ANK3: variants seen among roughly 807,000 people sequenced by gnomAD.
ANK3 encodes ankyrin 3, also known as ankyrin-3.
A neutral mutation model predicts 370.9 loss-of-function variants in ANK3; 57 were observed. The observed-to-expected ratio is 0.15, with a 90% CI of 0.12 to 0.19. The LOEUF (loss-of-function observed/expected upper bound fraction) is 0.19, where lower values mean the gene tolerates loss of function less well. Among genes scored for constraint, ANK3 ranks in the 10% least tolerant of loss-of-function variants. The pLI, the probability that ANK3 is intolerant of heterozygous loss-of-function variation, is 1.00. For synonymous variants in ANK3, 1,929 were observed against 1,946.3 expected, an observed-to-expected ratio of 0.99 and a Z score of 0.23; for missense variants, 4,439 against 5,302.1, an observed-to-expected ratio of 0.84 and a Z score of 5.06.
At chr10:60,716,188 TA>T (rs11451064) in intron 1 of ANK3, among the ~76,000 whole-genome samples, 5 of 151,438 alleles carry the variant, frequency 3.3e-5, no homozygotes, top group African/African-American at 1.2e-4. Context: ...CCAAGAAAGT[TA>T]AAAAAAATGT....
intron 2 of ANK3, among the ~76,000 whole-genome samples, chr10:60,432,443 C>T (rs113248029): frequency 0.011 from 1,601 of 152,264 alleles, 31 homozygotes; most frequent in African/African-American, 0.037. Flanking sequence ...ACTCTTACTT[C>T]CTAGTTCCTC....
At chr10:60,340,539 G>A (rs553231666) in intron 1 of ANK3, among the ~76,000 whole-genome samples, 4 of 152,182 alleles carry the variant, frequency 2.6e-5, no homozygotes, top group Admixed American at 1.3e-4. Context: ...AGCCTCCTGA[G>A]TAGCTGGGAT....
intron 2 of ANK3, among the ~76,000 whole-genome samples, chr10:60,446,189 G>A (rs530759004): frequency 2.9e-4 from 44 of 152,084 alleles, no homozygotes; most frequent in Non-Finnish European, 4.7e-4. Flanking sequence ...CCACGAAGAG[G>A]TATATTTTAA....
At chr10:60,685,309 T>C (rs1296533646) in intron 1 of ANK3, 2 of 203,032 alleles carry the variant, frequency 9.9e-6, no homozygotes, top group Non-Finnish European at 2.2e-5. Context: ...TACTACCATT[T>C]GGGGAAGCCA....
At chr10:60,576,357 G>A (rs966851165) in intron 2 of ANK3, among the ~76,000 whole-genome samples, 4 of 152,158 alleles carry the variant, frequency 2.6e-5, no homozygotes, top group Non-Finnish European at 4.4e-5. Flanking sequence ...CTGAAGTCTC[G>A]TAGAACAGAT....
chr10:60,234,123 TA>T (rs1261517970), intron 8 of ANK3, among the ~76,000 whole-genome samples: 1 of 152,236 alleles, frequency 6.6e-6, no homozygotes, highest in Admixed American at 6.5e-5. Flanking sequence ...TTAAAATTTT[TA>T]AATTCATTCA....
intron 41 of ANK3, among the ~76,000 whole-genome samples, chr10:60,057,140 C>T (rs2079356138): frequency 6.6e-6 from 1 of 152,178 alleles, no homozygotes; most frequent in Non-Finnish European, 1.5e-5. Flanking sequence ...AATACCTTTA[C>T]TTGAATCTCA....
At chr10:60,378,114 T>C (rs574498465) in intron 1 of ANK3, among the ~76,000 whole-genome samples, 2 of 152,312 alleles carry the variant, frequency 1.3e-5, no homozygotes, top group Middle Eastern at 6.8e-3. Flanking sequence ...TCCCCATCAC[T>C]TCGTAAGGCC....
At chr10:60,444,868 T>C (rs1408776936) in intron 2 of ANK3, among the ~76,000 whole-genome samples, 1 of 152,210 alleles carries the variant, frequency 6.6e-6, no homozygotes, top group East Asian at 1.9e-4. Context: ...TTGTAGCTAC[T>C]CCTATTGAAT....
At chr10:60,561,391 T>C (rs533801884) in intron 2 of ANK3, among the ~76,000 whole-genome samples, 1 of 152,334 alleles carries the variant, frequency 6.6e-6, no homozygotes, top group Non-Finnish European at 1.5e-5. Context: ...AATTGTTAAA[T>C]GGAGGCTTGA....
intron 28 of ANK3, among the ~76,000 whole-genome samples, chr10:60,099,376 G>A (rs552771006): frequency 6.6e-6 from 1 of 152,340 alleles, no homozygotes; most frequent in East Asian, 1.9e-4. Flanking sequence ...ACAAGTCAGA[G>A]TTGGTCTCTG....
intron 43 of ANK3, 146 bp downstream of exon 43, chr10:60,042,526 G>T: frequency 1.2e-6 from 1 of 819,746 alleles, no homozygotes; most frequent in South Asian, 1.8e-5. Context: ...AACATCAACA[G>T]AACTTGAACA....
intron 2 of ANK3, among the ~76,000 whole-genome samples, chr10:60,495,478 G>A (rs1440883486): frequency 6.6e-6 from 1 of 152,026 alleles, no homozygotes; most frequent in Non-Finnish European, 1.5e-5. Context: ...TTGACCTCTG[G>A]CTTGAGTTCT....
chr10:60,149,942 C>T (rs2095027770), intron 23 of ANK3, among the ~76,000 whole-genome samples: 1 of 152,224 alleles, frequency 6.6e-6, no homozygotes, highest in East Asian at 1.9e-4. Context: ...CTCCTGACCT[C>T]AGGTGATCCA....
intron 2 of ANK3, among the ~76,000 whole-genome samples, chr10:60,552,278 T>C (rs1459048150): frequency 6.6e-6 from 1 of 152,220 alleles, no homozygotes; most frequent in East Asian, 1.9e-4. Flanking sequence ...TTCTAGTCTA[T>C]GATTATAAAA....
chr10:60,106,128 T>G, intron 27 of ANK3, 69 bp from the exon 28 acceptor site: 3 of 1,385,684 alleles, frequency 2.2e-6, no homozygotes, highest in Non-Finnish European at 2.9e-6. Context: ...TTAAAAAATG[T>G]TTCGTTAACA....
intron 7 of ANK3, among the ~76,000 whole-genome samples, chr10:60,253,212 TG>T (rs916639215): frequency 6.6e-6 from 1 of 152,152 alleles, no homozygotes; most frequent in African/African-American, 2.4e-5. Flanking sequence ...ACAAGGTGGT[TG>T]GGCAGAGGAC....
chr10:60,275,536 T>C (rs2098076695), intron 4 of ANK3, among the ~76,000 whole-genome samples: 1 of 152,164 alleles, frequency 6.6e-6, no homozygotes, highest in Non-Finnish European at 1.5e-5. Flanking sequence ...TTTGCATTGA[T>C]TCATATACGT....
Position 60,189,789 on chromosome 10 carries a change from T to C in ANK3, c.1888-2877A>G, listed in dbSNP as rs371438674. On this transcript the variant is annotated intron_variant, in intron 16 of 43. Coordinates refer to ENST00000280772, the MANE Select transcript of ANK3 (RefSeq NM_020987.5). ...TGTAGAGGACCAAGTGCTTGCCACA[T>C]GTGCTTTTGCATTTCAAAATTAAAA... is the stretch of plus-strand genomic sequence containing the variant. Among the ~76,000 whole-genome samples the C allele has an allele frequency of 8.5e-4, 129 of 152,324 alleles. 2 individuals carry two copies. In the South Asian group the frequency reaches 0.026, roughly 31 times the overall value.
Sources: allele counts gnomAD v4.1 joint callset (sites outside exome capture counted in the v4.1 genomes callset), GRCh38; gene constraint gnomAD v4.1.1; transcripts MANE v1.5; gene names NCBI Gene and HGNC (gene_info 2026-07-23, HGNC 2026-07-21).